The following FER1L6 variants were observed in gnomAD, a reference collection of about 807,000 sequenced individuals.
FER1L6 encodes fer-1 like family member 6.
FER1L6 carries 177 observed loss-of-function variants against 219.2 expected under a neutral mutation model. The observed-to-expected ratio is 0.81, with a 90% confidence interval of 0.71 to 0.91. FER1L6 has a LOEUF of 0.91. Ranked by LOEUF, FER1L6 falls within the 40% of genes least tolerant of loss-of-function variation. The probability of loss-of-function intolerance (pLI) is 0.00; values close to 1 mark genes in which losing one functional copy is unlikely to be tolerated. For missense variants in FER1L6, 2,153 were observed against 2,259.9 expected (o/e 0.95, Z 0.96); for synonymous variants, 768 against 824.3 (o/e 0.93, Z 1.17).
intron 12 of FER1L6, among the ~76,000 whole-genome samples, chr8:124,001,706 A>T (rs1352908532): frequency 6.6e-6 from 1 of 152,248 alleles, no homozygotes; most frequent in African/African-American, 2.4e-5. Context: ...TTAAGGACAT[A>T]GAAACACATT....
At chr8:123,887,051 G>A (rs925916232) in intron 1 of FER1L6, among the ~76,000 whole-genome samples, 4 of 152,054 alleles carry the variant, frequency 2.6e-5, no homozygotes, top group Admixed American at 2.0e-4. Flanking sequence ...CCAGATCATC[G>A]CATCCATACA....
chr8:124,027,345 C>T (rs1280206277), intron 18 of FER1L6, among the ~76,000 whole-genome samples: 2 of 152,152 alleles, frequency 1.3e-5, no homozygotes, highest in African/African-American at 2.4e-5. Flanking sequence ...AATGTTCATC[C>T]TATTTTTCAT....
At chr8:124,025,345 A>T (rs1818660139) in intron 18 of FER1L6, among the ~76,000 whole-genome samples, 1 of 151,906 alleles carries the variant, frequency 6.6e-6, no homozygotes, top group Non-Finnish European at 1.5e-5. Flanking sequence ...TCTTGAGTTA[A>T]TTTTTTTGTA....
intron 39 of FER1L6, among the ~76,000 whole-genome samples, chr8:124,116,883 A>G (rs147283687): frequency 2.0e-5 from 3 of 152,206 alleles, no homozygotes; most frequent in African/African-American, 7.2e-5. Context: ...TCTCCCAGCC[A>G]TCAAGTCCTT....
intron 33 of FER1L6, among the ~76,000 whole-genome samples, chr8:124,086,247 T>C (rs1304847156): frequency 2.0e-5 from 3 of 152,176 alleles, no homozygotes; most frequent in Non-Finnish European, 4.4e-5. Flanking sequence ...TTAAAATTTG[T>C]TTTTTGATTG....
intron 18 of FER1L6, among the ~76,000 whole-genome samples, chr8:124,033,791 G>A (rs927545678): frequency 1.3e-5 from 2 of 152,208 alleles, no homozygotes; most frequent in African/African-American, 4.8e-5. Context: ...GAATCCTAAA[G>A]GAAGGATGGA....
intron 1 of FER1L6, among the ~76,000 whole-genome samples, chr8:123,869,370 G>T (rs1011286632): frequency 2.6e-5 from 4 of 152,094 alleles, no homozygotes; most frequent in African/African-American, 9.7e-5. Flanking sequence ...ATATCCAAAT[G>T]CTGGCTGGGC....
intron 1 of FER1L6, among the ~76,000 whole-genome samples, chr8:123,925,460 G>A (rs1031428282): frequency 3.3e-5 from 5 of 152,102 alleles, no homozygotes; most frequent in African/African-American, 4.8e-5. Context: ...ATGATCACAC[G>A]GCCATATCAG....
intron 20 of FER1L6, among the ~76,000 whole-genome samples, chr8:124,044,305 A>C (rs1209279413): frequency 6.6e-6 from 1 of 152,222 alleles, no homozygotes; most frequent in Non-Finnish European, 1.5e-5. Context: ...CTATTGGAAA[A>C]GTTAGATTTT....
chr8:124,037,707 A>G (rs1368890066), intron 19 of FER1L6, among the ~76,000 whole-genome samples: 1 of 152,168 alleles, frequency 6.6e-6, no homozygotes, highest in African/African-American at 2.4e-5. Context: ...AGACAGTGGC[A>G]TGGGGTGGAG....
rs879318428 is a variant in FER1L6, at chr8:123,952,077, ACATTAGCT to A, written c.-7-3914_-7-3907del. Among the ~76,000 whole-genome samples, 443 of 152,316 alleles carry A rather than the reference ACATTAGCT, an allele frequency of 2.9e-3. 1 individual carries two copies. Among genetic ancestry groups the A allele is most frequent in the Non-Finnish European group, 4.6e-3 (316 of 68,000 alleles). The stretch of plus-strand genomic sequence containing the variant: ...TTTGCCGAGCGGTGGACATGACATT[ACATTAGCT>A]ACGTGTACAGCTTTTAATAGTTCAG... On this transcript the variant is annotated intron_variant, in intron 1 of 40. Coordinates refer to ENST00000522917, the MANE Select transcript of FER1L6 (RefSeq NM_001039112.2).
At chr8:124,069,803 CAGG>C (rs1820991411) in intron 29 of FER1L6, among the ~76,000 whole-genome samples, 1 of 152,182 alleles carries the variant, frequency 6.6e-6, no homozygotes, top group South Asian at 2.1e-4. Flanking sequence ...CTCAAGGTAA[CAGG>C]AGATTTAACT....
intron 10 of FER1L6, among the ~76,000 whole-genome samples, chr8:123,978,724 TA>T (rs1295204061): frequency 6.6e-6 from 1 of 152,232 alleles, no homozygotes; most frequent in Non-Finnish European, 1.5e-5. Context: ...GTAATTATTT[TA>T]ATTTTTTACT....
At chr8:123,907,799 A>AT (rs1554614148) in intron 1 of FER1L6, among the ~76,000 whole-genome samples, 1 of 151,228 alleles carries the variant, frequency 6.6e-6, no homozygotes, top group East Asian at 2.0e-4. Flanking sequence ...CATAGGAAGG[A>AT]GTTCAAACAA....
At chr8:124,071,370 C>T in intron 30 of FER1L6, 136 bp from the exon 31 acceptor site, 11 of 1,107,450 alleles carry the variant, frequency 9.9e-6, no homozygotes, top group Non-Finnish European at 1.4e-5. Flanking sequence ...CAAGGACACC[C>T]AACTGGCAAG....
chr8:124,075,347 C>T (rs1295644852), intron 31 of FER1L6, among the ~76,000 whole-genome samples: 3 of 152,112 alleles, frequency 2.0e-5, no homozygotes, highest in Admixed American at 2.0e-4. Context: ...AACACACACA[C>T]GTTAGCCTAG....
chr8:124,119,559 G>C, intron 40 of FER1L6, 48 bp from the exon 41 acceptor site: 1 of 1,244,856 alleles, frequency 8.0e-7, no homozygotes, highest in Non-Finnish European at 1.2e-6. Flanking sequence ...AGCATTCTGA[G>C]TGTTGACAGG....
At chr8:124,097,743 C>T (rs1563799010) in intron 36 of FER1L6, 42 bp from the exon 37 acceptor site, 2 of 1,086,372 alleles carry the variant, frequency 1.8e-6, no homozygotes, top group Non-Finnish European at 2.9e-6. Context: ...ACTGACTCAG[C>T]TTTCAAGGTC....
At chr8:124,053,239 C>A (rs971722823) in intron 22 of FER1L6, among the ~76,000 whole-genome samples, 1 of 152,190 alleles carries the variant, frequency 6.6e-6, no homozygotes, top group African/African-American at 2.4e-5. Flanking sequence ...CACCTCTCAT[C>A]CTCCCTCCTG....
Sources: allele counts gnomAD v4.1 joint callset (sites outside exome capture counted in the v4.1 genomes callset), GRCh38; gene constraint gnomAD v4.1.1; transcripts MANE v1.5; gene names NCBI Gene and HGNC (gene_info 2026-07-23, HGNC 2026-07-21).